Variants in ASAP3 observed in about 807,000 individuals in gnomAD.
ASAP3 encodes ArfGAP with SH3 domain, ankyrin repeat and PH domain 3, also known as arf-GAP with SH3 domain, ANK repeat and PH domain-containing protein 3.
A neutral mutation model predicts 118.2 loss-of-function variants in ASAP3; 85 were observed. The ratio of observed to expected loss-of-function variants is 0.72; its 90% confidence interval spans 0.60 to 0.86. The LOEUF (loss-of-function observed/expected upper bound fraction) is 0.86. Ranked by LOEUF, ASAP3 falls within the 40% of genes least tolerant of loss-of-function variation. The pLI is 0.00. For missense variants in ASAP3, 1,026 were observed against 1,175.0 expected, an observed-to-expected ratio of 0.87 and a Z score of 1.85; for synonymous variants, 432 against 477.4, an observed-to-expected ratio of 0.90 and a Z score of 1.24.
chr1:23,441,580 G>A, intron 8 of ASAP3, 75 bp downstream of exon 8: 4 of 1,602,968 alleles, frequency 2.5e-6, no homozygotes, highest in Non-Finnish European at 3.4e-6. Context: ...GCAGAAGCCA[G>A]CTCTTCCACA....
At chr1:23,452,343 G>A (rs1014437525) in intron 4 of ASAP3, among the ~76,000 whole-genome samples, 1 of 152,208 alleles carries the variant, frequency 6.6e-6, no homozygotes, top group Non-Finnish European at 1.5e-5. Flanking sequence ...CAGGATCCCT[G>A]GATTCCCACA....
At chr1:23,462,601 T>C (rs1641629714) in intron 1 of ASAP3, among the ~76,000 whole-genome samples, 1 of 151,280 alleles carries the variant, frequency 6.6e-6, no homozygotes, top group African/African-American at 2.4e-5. Flanking sequence ...CTACTAAAAA[T>C]ACAAAAAATT....
Position 23,436,846 on chromosome 1 carries a change from C to A in ASAP3, c.1476+65G>T. 1.3e-6 allele frequency: 2 copies of A among 1,575,610 alleles called. No individual in the cohort carries two copies. The highest frequency in any genetic ancestry group is 1.7e-6 in the Non-Finnish European group (2 of 1,160,230). ...TCCCACCCACAACCTGCAAGCCCCGCCCCCGGATGAAACTACACCCCTAAC... is the reference window on the plus strand; with the variant it reads ...TCCCACCCACAACCTGCAAGCCCCGACCCCGGATGAAACTACACCCCTAAC... On this transcript the variant is annotated intron_variant, in intron 15 of 24. Transcript: ENST00000336689. This position sits in a 1 kb window ranked among gnomAD's most constrained non-coding sequence, Gnocchi z 4.2.
chr1:23,447,184 G>T (rs1024885258), intron 5 of ASAP3, among the ~76,000 whole-genome samples: 2 of 152,168 alleles, frequency 1.3e-5, no homozygotes, highest in Admixed American at 6.5e-5. Context: ...ATGGCCCAGG[G>T]GTTGAGGACC....
chr1:23,438,892 A>C lies in ASAP3; in HGVS notation c.1015-58T>G. Reference sequence around the variant, plus strand: ...TTACCTCTGGCCCTCCACATTCTTTAGGCCTCCATTTCCCACTCTGTTAAA... The same window carrying C: ...TTACCTCTGGCCCTCCACATTCTTTCGGCCTCCATTTCCCACTCTGTTAAA... On this transcript the variant is annotated intron_variant, in intron 11 of 24. Coordinates refer to ENST00000336689, the MANE Select transcript of ASAP3 (RefSeq NM_017707.4). The surrounding 1 kb of genome is among the most constrained non-coding windows in gnomAD (Gnocchi z 4.9). 1 of 1,539,754 alleles carries C rather than the reference A, an allele frequency of 6.5e-7. No individual in the cohort carries two copies. Among genetic ancestry groups the C allele is most frequent in the Non-Finnish European group, 9.0e-7 (1 of 1,113,750 alleles).
At position 23,437,443 on chromosome 1, in the gene ASAP3, C is replaced by T. The variant is rs1157001530; in HGVS notation, c.1132G>A (p.Asp378Asn). 1.9e-6 allele frequency: 3 copies of T among 1,614,102 alleles called. No homozygotes were observed. Among genetic ancestry groups the T allele is most frequent in the African/African-American group, 2.7e-5 (2 of 75,052 alleles). ...HNRTYHFQAE[D>N]EHECEAWVSV... ...ACTCACGCCTCACACTCGTGCTCGT[C>T]CTCTGCCTGAAAGTGGTACGTCCGG... The change falls in exon 13 of 25, where the codon GAC becomes AAC. Residue 378 changes from aspartate (D) to asparagine (N), a missense_variant. Coordinates refer to ENST00000336689, the MANE Select transcript of ASAP3 (RefSeq NM_017707.4). The surrounding 1 kb of genome is among the most constrained non-coding windows in gnomAD (Gnocchi z 6.1).
chr1:23,446,138 T>G (rs1641040228), intron 5 of ASAP3, among the ~76,000 whole-genome samples: 1 of 152,152 alleles, frequency 6.6e-6, no homozygotes, highest in African/African-American at 2.4e-5. Flanking sequence ...CCATGGATAA[T>G]GAGGGATGAC....
chr1:23,451,596 C>G, intron 4 of ASAP3, 68 bp from the exon 5 acceptor site: 1 of 1,546,330 alleles, frequency 6.5e-7, no homozygotes, highest in South Asian at 1.1e-5. Context: ...GTATGCTCTG[C>G]TGCCTGTAGG....
intron 1 of ASAP3, among the ~76,000 whole-genome samples, chr1:23,474,571 G>A (rs1377458632): frequency 6.6e-6 from 1 of 151,788 alleles, no homozygotes; most frequent in Non-Finnish European, 1.5e-5. Flanking sequence ...CCATTCCACA[G>A]CTTTATTTAT....
intron 5 of ASAP3, among the ~76,000 whole-genome samples, chr1:23,444,614 G>C (rs1056593192): frequency 2.0e-5 from 3 of 152,192 alleles, no homozygotes; most frequent in Admixed American, 6.5e-5. Context: ...ACACATGGCA[G>C]CTTTTACTGT....
Position 23,436,739 on chromosome 1 carries a change from C to T in ASAP3, c.1477-85G>A. 1.3e-6 allele frequency: 2 copies of T among 1,579,004 alleles called. No homozygotes were observed. The highest frequency in any genetic ancestry group is 8.7e-7 in the Non-Finnish European group (1 of 1,154,670). On this transcript the variant is annotated intron_variant, in intron 15 of 24. Coordinates refer to ENST00000336689, the MANE Select transcript of ASAP3 (RefSeq NM_017707.4). This position sits in a 1 kb window ranked among gnomAD's most constrained non-coding sequence, Gnocchi z 4.2. ...GGGTGGAGCTCCAAGCCCCCAGAGT[C>T]CCGCCCCTCGGCCGCCCTCCCGGTT...
At chr1:23,432,093 G>A (rs1267212888) in intron 22 of ASAP3, among the ~76,000 whole-genome samples, 175 bp from the exon 23 acceptor site, 2 of 143,110 alleles carry the variant, frequency 1.4e-5, no homozygotes, top group Admixed American at 7.4e-5. Flanking sequence ...TGCAACCTCC[G>A]CCTCCCAGGT....
chr1:23,433,819 GT>G, intron 19 of ASAP3, 126 bp from the exon 20 acceptor site: 1 of 1,215,584 alleles, frequency 8.2e-7, no homozygotes, highest in Non-Finnish European at 1.2e-6. Context: ...TTCTGGCTAT[GT>G]GACCATAGGC....
chr1:23,458,913 G>GT (rs1641478212), intron 1 of ASAP3, among the ~76,000 whole-genome samples: 1 of 152,076 alleles, frequency 6.6e-6, no homozygotes, highest in Admixed American at 6.5e-5. Context: ...GCTCACGCCT[G>GT]TAATCCTAGC....
In ASAP3 at chr1:23,436,659, AGTC is replaced by A; in HGVS notation, c.1477-8_1477-6del. The A allele has an allele frequency of 6.2e-7, 1 of 1,614,182 alleles. No homozygotes were observed. The highest frequency in any genetic ancestry group is 8.5e-7 in the Non-Finnish European group (1 of 1,180,020). On this transcript the variant is annotated splice_region_variant and splice_polypyrimidine_tract_variant and intron_variant, in intron 15 of 24. Transcript: ENST00000336689. The surrounding 1 kb of genome is among the most constrained non-coding windows in gnomAD (Gnocchi z 4.2). ...GTTTCCCATGTTCAAGGCCAGCTGGAGTCGTAGGAAAATAGACGTGGGGCGGAG... is the reference window on the plus strand; with the variant it reads ...GTTTCCCATGTTCAAGGCCAGCTGGAGTAGGAAAATAGACGTGGGGCGGAG...
intron 1 of ASAP3, among the ~76,000 whole-genome samples, chr1:23,483,566 C>T (rs1007548876): frequency 5.9e-5 from 9 of 151,958 alleles, no homozygotes; most frequent in Non-Finnish European, 8.8e-5. Flanking sequence ...GAACCAGCCG[C>T]AAGCGGGAGG....
intron 10 of ASAP3, 86 bp from the exon 11 acceptor site, chr1:23,439,316 G>T: frequency 8.1e-7 from 1 of 1,231,502 alleles, no homozygotes; most frequent in East Asian, 2.4e-5. Context: ...GCCCCCACCT[G>T]TATGATCTCT....
intron 1 of ASAP3, among the ~76,000 whole-genome samples, chr1:23,471,948 C>A (rs987619912): frequency 6.6e-6 from 1 of 152,116 alleles, no homozygotes; most frequent in East Asian, 1.9e-4. Context: ...CCAGACAACA[C>A]GGATGAACCT....
In ASAP3 at chr1:23,436,886, CT is replaced by C; in HGVS notation, c.1476+24del. Reference sequence around the variant, plus strand: ...ACACCCCTAACTCCGCTTCTGGCCCCTTCCAGGCCCCGCCCCGCCCTCACCA... The same window carrying C: ...ACACCCCTAACTCCGCTTCTGGCCCCTCCAGGCCCCGCCCCGCCCTCACCA... On this transcript the variant is annotated intron_variant, in intron 15 of 24. Coordinates refer to ENST00000336689, the MANE Select transcript of ASAP3 (RefSeq NM_017707.4). This position sits in a 1 kb window ranked among gnomAD's most constrained non-coding sequence, Gnocchi z 4.2. The C allele has an allele frequency of 6.2e-7, 1 of 1,605,296 alleles. No individual in the cohort carries two copies. The highest frequency in any genetic ancestry group is 8.5e-7 in the Non-Finnish European group (1 of 1,176,230).
Sources: allele counts gnomAD v4.1 joint callset (sites outside exome capture counted in the v4.1 genomes callset), GRCh38; gene constraint gnomAD v4.1.1; non-coding constraint Gnocchi (gnomAD v3.1); transcripts MANE v1.5; gene names NCBI Gene and HGNC (gene_info 2026-07-23, HGNC 2026-07-21).